Variants in CLSTN2 observed in about 807,000 individuals in gnomAD.
CLSTN2 encodes calsyntenin 2.
CLSTN2 carries 48 observed loss-of-function variants against 101.2 expected under a neutral mutation model. That is an observed-to-expected ratio of 0.47 (90% CI 0.38 to 0.60). The LOEUF is 0.60. Ranked by LOEUF, CLSTN2 falls within the 20% of genes least tolerant of loss-of-function variation. The pLI is 0.00. For missense variants in CLSTN2, 1,160 were observed against 1,238.2 expected, an observed-to-expected ratio of 0.94 and a Z score of 0.95; for synonymous variants, 481 against 463.6, an observed-to-expected ratio of 1.04 and a Z score of -0.48.
intron 1 of CLSTN2, among the ~76,000 whole-genome samples, chr3:139,971,720 C>T (rs191697147): frequency 2.0e-5 from 3 of 152,190 alleles, no homozygotes; most frequent in Non-Finnish European, 4.4e-5. Context: ...ACAAACCAGA[C>T]CCACATTCCA....
At chr3:140,389,182 TTTG>T (rs1199743313) in intron 2 of CLSTN2, among the ~76,000 whole-genome samples, 1 of 152,206 alleles carries the variant, frequency 6.6e-6, no homozygotes, top group African/African-American at 2.4e-5. Flanking sequence ...GAAGTGCAAG[TTTG>T]TTACATAGGT....
chr3:140,149,850 G>A (rs769551387), intron 1 of CLSTN2, among the ~76,000 whole-genome samples: 2 of 152,106 alleles, frequency 1.3e-5, no homozygotes, highest in Non-Finnish European at 2.9e-5. Flanking sequence ...ATTTAACCGG[G>A]TGTCCTGTAT....
intron 2 of CLSTN2, among the ~76,000 whole-genome samples, chr3:140,217,399 A>T (rs1026939591): frequency 3.9e-5 from 6 of 152,150 alleles, no homozygotes; most frequent in African/African-American, 1.4e-4. Context: ...GCCCCCAAGA[A>T]CTAGCTTTTC....
intron 8 of CLSTN2, among the ~76,000 whole-genome samples, chr3:140,472,430 T>A (rs1933870918): frequency 6.6e-6 from 1 of 152,204 alleles, no homozygotes; most frequent in Non-Finnish European, 1.5e-5. Flanking sequence ...TCAAATAGGT[T>A]AGTTCAATCA....
intron 2 of CLSTN2, among the ~76,000 whole-genome samples, chr3:140,382,192 C>T (rs1251395251): frequency 6.6e-6 from 1 of 152,160 alleles, no homozygotes; most frequent in Non-Finnish European, 1.5e-5. Context: ...ACATTTAACA[C>T]AGTTTGCAAT....
chr3:140,395,420 T>C (rs892738203), intron 2 of CLSTN2, among the ~76,000 whole-genome samples: 2 of 152,138 alleles, frequency 1.3e-5, no homozygotes, highest in Non-Finnish European at 2.9e-5. Flanking sequence ...TCATGGAACT[T>C]TCAGGATTAG....
chr3:139,974,161 G>T (rs952906144), intron 1 of CLSTN2, among the ~76,000 whole-genome samples: 1 of 152,220 alleles, frequency 6.6e-6, no homozygotes, highest in Admixed American at 6.5e-5. Context: ...CAAAGTGCTT[G>T]TAAGCCTGAG....
chr3:140,440,355 G>A (rs924740283), intron 5 of CLSTN2, among the ~76,000 whole-genome samples: 13 of 152,296 alleles, frequency 8.5e-5, no homozygotes, highest in African/African-American at 3.1e-4. Context: ...ATACTCTTGT[G>A]AAAATAAAAT....
chr3:140,103,133 A>T (rs1043821196), intron 1 of CLSTN2, among the ~76,000 whole-genome samples: 1 of 152,210 alleles, frequency 6.6e-6, no homozygotes, highest in African/African-American at 2.4e-5. Flanking sequence ...CAGATTTCTG[A>T]GACTGACCAT....
At chr3:140,313,098 A>G (rs936580777) in intron 2 of CLSTN2, among the ~76,000 whole-genome samples, 2 of 152,228 alleles carry the variant, frequency 1.3e-5, no homozygotes, top group Non-Finnish European at 2.9e-5. Context: ...CTGGGGATAT[A>G]AAGATGGCTG....
At chr3:140,274,387 C>T (rs376820782) in intron 2 of CLSTN2, among the ~76,000 whole-genome samples, 1 of 152,308 alleles carries the variant, frequency 6.6e-6, no homozygotes, top group Admixed American at 6.5e-5. Flanking sequence ...TGATGGAAGC[C>T]ACCCCAACTC....
intron 1 of CLSTN2, among the ~76,000 whole-genome samples, chr3:140,144,388 G>A (rs929908683): frequency 1.3e-5 from 2 of 152,030 alleles, no homozygotes; most frequent in African/African-American, 2.4e-5. Context: ...CGGGTGGATC[G>A]CCTGAGGTCA....
At chr3:140,149,969 G>A (rs376807277) in intron 1 of CLSTN2, among the ~76,000 whole-genome samples, 4 of 152,196 alleles carry the variant, frequency 2.6e-5, no homozygotes, top group African/African-American at 9.6e-5. Context: ...TGTATCATGG[G>A]GCAGGGAGAG....
chr3:140,249,726 T>C (rs2086545921), intron 2 of CLSTN2, among the ~76,000 whole-genome samples: 1 of 152,188 alleles, frequency 6.6e-6, no homozygotes, highest in South Asian at 2.1e-4. Context: ...CTTTCCTCTA[T>C]TATGTGATGA....
In CLSTN2 at chr3:140,466,639, G is replaced by A; in HGVS notation, c.1252G>A (p.Val418Met). The A allele has an allele frequency of 6.2e-7, 1 of 1,614,194 alleles. No homozygotes were observed. Among genetic ancestry groups the A allele is most frequent in the East Asian group, 2.2e-5 (1 of 44,874 alleles). The part of the protein sequence containing the change: ...EMNRHHYALY[V>M]HNCRLVFLLR... The stretch of plus-strand genomic sequence containing the variant: ...GAACCGGCATCACTATGCCCTGTAT[G>A]TGCACAACTGCCGCCTCGTCTTTCT... The change falls in exon 8 of 17, where the codon GTG (valine) becomes ATG (methionine). Residue 418 changes from valine to methionine, a missense_variant. Transcript: ENST00000458420.
At chr3:140,331,362 T>C (rs1238344786) in intron 2 of CLSTN2, among the ~76,000 whole-genome samples, 1 of 152,198 alleles carries the variant, frequency 6.6e-6, no homozygotes, top group Non-Finnish European at 1.5e-5. Context: ...CACAGTCCAC[T>C]GATTCACATG....
chr3:140,059,771 C>T (rs1482740965), intron 1 of CLSTN2, among the ~76,000 whole-genome samples: 2 of 152,170 alleles, frequency 1.3e-5, no homozygotes, highest in Admixed American at 6.5e-5. Flanking sequence ...AACCTGCAAC[C>T]TTTCTGCTTT....
At chr3:140,099,661 TC>T (rs2008932401) in intron 1 of CLSTN2, among the ~76,000 whole-genome samples, 1 of 152,126 alleles carries the variant, frequency 6.6e-6, no homozygotes, top group African/African-American at 2.4e-5. Context: ...GGTCCCATAG[TC>T]CCTCTGTCTG....
At chr3:140,033,493 C>T (rs1278160538) in intron 1 of CLSTN2, among the ~76,000 whole-genome samples, 1 of 152,172 alleles carries the variant, frequency 6.6e-6, no homozygotes, top group Non-Finnish European at 1.5e-5. Flanking sequence ...AGGCCATTAG[C>T]ACATATTAAG....
Sources: gnomAD v4.1 joint callset for allele counts (sites outside exome capture counted in the v4.1 genomes callset) on GRCh38, gnomAD v4.1.1 for gene constraint, MANE v1.5 for transcripts, NCBI Gene and HGNC (gene_info 2026-07-23, HGNC 2026-07-21) for gene names.